The following TANC2 variants were observed in gnomAD, a reference collection of about 807,000 sequenced individuals.
The protein encoded by TANC2 is protein TANC2.
A neutral mutation model predicts 210.5 loss-of-function variants in TANC2; 26 were observed. That is an observed-to-expected ratio of 0.12 (90% confidence interval 0.09 to 0.17). The LOEUF (loss-of-function observed/expected upper bound fraction) is 0.17, where lower values mean the gene tolerates loss of function less well. TANC2 is among the 10% of genes least tolerant of loss of function. TANC2 has a pLI of 1.00. For synonymous variants in TANC2, 931 were observed against 967.1 expected (o/e 0.96, Z 0.69); for missense variants, 2,129 against 2,608.9 (o/e 0.82, Z 4.01).
chr17:63,426,168 C>T (rs936741925), exon 28 of TANC2: 6 of 152,320 alleles, frequency 3.9e-5, no homozygotes, highest in African/African-American at 1.4e-4. Context: ...GCTGCTGCCT[C>T]CACACCGAGG....
intron 2 of TANC2, among the ~76,000 whole-genome samples, chr17:63,071,285 T>G (rs541327778): frequency 6.6e-6 from 1 of 151,730 alleles, no homozygotes; most frequent in East Asian, 1.9e-4. Flanking sequence ...CTTAATAGAG[T>G]GTAGAATTTT....
chr17:62,978,014 A>G (rs1376728100), intron 1 of TANC2, among the ~76,000 whole-genome samples: 1 of 152,194 alleles, frequency 6.6e-6, no homozygotes, highest in Admixed American at 6.5e-5. Flanking sequence ...ACTTCAGTTC[A>G]GTAAATGGAA....
chr17:63,217,618 T>G (rs1000861738), intron 7 of TANC2, among the ~76,000 whole-genome samples: 2 of 152,178 alleles, frequency 1.3e-5, no homozygotes, highest in African/African-American at 4.8e-5. Context: ...AAGGAAAACT[T>G]TTGGTCCAGA....
intron 1 of TANC2, among the ~76,000 whole-genome samples, chr17:62,974,436 T>C (rs554436864): frequency 6.6e-6 from 1 of 151,452 alleles, no homozygotes; most frequent in Non-Finnish European, 1.5e-5. Context: ...CTTGATTTTG[T>C]ATATTAGTTT....
rs149497346 is a variant in TANC2 at position 63,112,251 on chromosome 17, G to C, written c.322+12894G>C. 4.2e-3 allele frequency among the ~76,000 whole-genome samples: 647 copies of C among 152,266 alleles called. 6 individuals are homozygous for C. The highest frequency in any genetic ancestry group is 0.014 in the African/African-American group (564 of 41,558). On this transcript the variant is annotated intron_variant, in intron 4 of 27. Transcript: ENST00000689528. ...GGCAAGTTAGTAAGATAACAGTGTG[G>C]TAGCACTCATGAAGTAGATGCATAA...
chr17:63,110,798 A>T (rs1302731493), intron 4 of TANC2, among the ~76,000 whole-genome samples: 1 of 152,208 alleles, frequency 6.6e-6, no homozygotes, highest in Non-Finnish European at 1.5e-5. Flanking sequence ...CGTTCAAACC[A>T]TAGCACCAAG....
chr17:63,130,220 A>G (rs1306891640), intron 4 of TANC2, among the ~76,000 whole-genome samples: 3 of 152,108 alleles, frequency 2.0e-5, no homozygotes, highest in Non-Finnish European at 4.4e-5. Context: ...CAATAAAACA[A>G]TTTACTTGGC....
chr17:63,318,968 A>T lies in TANC2; in HGVS notation c.1453A>T (p.Asn485Tyr), dbSNP rs763259864. 1.9e-6 allele frequency: 3 copies of T among 1,612,854 alleles called. No individual in the cohort carries two copies. The African/African-American group carries it at 4.0e-5, about 22-fold the overall frequency. Residue 485 changes from asparagine (N) to tyrosine (Y), a missense_variant, in exon 11 of 28, where the codon AAC becomes TAC. This residue lies in a region of TANC2 where 739 missense variants were observed against 848.0 expected (regional missense o/e 0.87). Coordinates refer to ENST00000689528, the Ensembl canonical transcript of TANC2. The stretch of plus-strand genomic sequence containing the variant: ...TCTTTTTAATCCAGATGTGGATGCC[A>T]ACAGAGAGCTGCCACTCACACAGCC...
chr17:63,164,737 C>T (rs2040151214), intron 5 of TANC2, among the ~76,000 whole-genome samples: 1 of 152,186 alleles, frequency 6.6e-6, no homozygotes, highest in South Asian at 2.1e-4. Context: ...GCACCAATGT[C>T]CAAGAGCAAG....
rs893189515 is a variant in TANC2 at position 63,157,367 on chromosome 17, A to G, written c.433+5987A>G. On this transcript the variant is annotated intron_variant, in intron 5 of 27. Transcript: ENST00000689528. ...CTTTTCTAAGGTGTTTTACATCACA[A>G]AATCTGAAGGCTTGGCCTCTGAATG... Among the ~76,000 whole-genome samples the G allele has an allele frequency of 3.9e-5, 6 of 152,234 alleles. No homozygotes were observed. In the South Asian group the frequency reaches 1.0e-3, roughly 26 times the overall value.
chr17:63,348,407 A>G (rs1175365311), intron 12 of TANC2, among the ~76,000 whole-genome samples: 1 of 152,228 alleles, frequency 6.6e-6, no homozygotes, highest in African/African-American at 2.4e-5. Context: ...GGGATTAAAA[A>G]TAAGGATTTT....
At chr17:63,384,696 CTTTAA>C (rs892567055) in intron 15 of TANC2, among the ~76,000 whole-genome samples, 18 of 152,092 alleles carry the variant, frequency 1.2e-4, no homozygotes, top group Admixed American at 4.6e-4. Flanking sequence ...CACAATTTTA[CTTTAA>C]TTTAATAGTT....
chr17:63,308,635 T>A (rs903564048), intron 9 of TANC2, among the ~76,000 whole-genome samples: 10 of 152,238 alleles, frequency 6.6e-5, no homozygotes, highest in Non-Finnish European at 1.3e-4. Context: ...ACATATACTT[T>A]GTTTTCATTT....
chr17:63,257,338 A>G (rs896067347), intron 8 of TANC2, among the ~76,000 whole-genome samples: 4 of 151,594 alleles, frequency 2.6e-5, no homozygotes, highest in Non-Finnish European at 4.4e-5. Context: ...GATTACCGTG[A>G]AGCTTGCATA....
At position 63,420,445 on chromosome 17, in the gene TANC2, C is replaced by T. The variant is rs1462275959; in HGVS notation, c.4715C>T (p.Ala1572Val). Residue 1572 changes from alanine to valine, a missense_variant, in exon 28 of 28, where the codon GCC (alanine) becomes GTC (valine). This residue lies in a region of TANC2 where 584 missense variants were observed against 627.3 expected (regional missense o/e 0.93). Transcript: ENST00000689528. The surrounding 1 kb of genome is among the most constrained non-coding windows in gnomAD (Gnocchi z 4.2). ...CAGACCTATCAGTCCACCTCACCTG[C>T]CCTTTCTCCAACTCATCAGAACTCA... The T allele has an allele frequency of 1.2e-6, 2 of 1,613,990 alleles. No homozygotes were observed. Among genetic ancestry groups the T allele is most frequent in the Non-Finnish European group, 1.7e-6 (2 of 1,179,878 alleles).
At position 63,103,243 on chromosome 17, in the gene TANC2, C is replaced by G. The variant is rs1387911645; in HGVS notation, c.322+3886C>G. On this transcript the variant is annotated intron_variant, in intron 4 of 27. Transcript: ENST00000689528. ...TCATTGTTACTCTGTAACCTTTATA[C>G]TCTTAACATATTTATCTTAGTCTTC... Among the ~76,000 whole-genome samples the G allele has an allele frequency of 2.6e-5, 4 of 152,164 alleles. No individual in the cohort carries two copies. The East Asian group carries it at 7.7e-4, about 29-fold the overall frequency.
At chr17:63,297,591 C>CA (rs1426593233) in intron 9 of TANC2, among the ~76,000 whole-genome samples, 1 of 151,986 alleles carries the variant, frequency 6.6e-6, no homozygotes, top group African/African-American at 2.4e-5. Flanking sequence ...ATAAGAGCTC[C>CA]AACTGTAAGA....
At chr17:63,010,143 G>T (rs2033801398) in intron 2 of TANC2, among the ~76,000 whole-genome samples, 1 of 152,102 alleles carries the variant, frequency 6.6e-6, no homozygotes, top group Non-Finnish European at 1.5e-5. Context: ...ATATTGAAAA[G>T]AAATGTATTA....
chr17:63,034,101 C>T (rs2034880310), intron 2 of TANC2, among the ~76,000 whole-genome samples: 2 of 152,080 alleles, frequency 1.3e-5, no homozygotes, highest in South Asian at 4.1e-4. Flanking sequence ...GATGAAACAG[C>T]TTTGTATGGG....
Sources: allele counts gnomAD v4.1 joint callset (sites outside exome capture counted in the v4.1 genomes callset), GRCh38; gene constraint gnomAD v4.1.1; regional missense constraint gnomAD v4.1.1; non-coding constraint Gnocchi (gnomAD v3.1); transcripts MANE v1.5; gene names NCBI Gene and HGNC (gene_info 2026-07-23, HGNC 2026-07-21).